The following UNC80 variants were observed in gnomAD, a reference collection of about 807,000 sequenced individuals.
The protein encoded by UNC80 is protein unc-80 homolog.
In UNC80, 164 loss-of-function variants were observed where a neutral mutation model predicts 384.6. The observed-to-expected ratio is 0.43, with a 90% confidence interval of 0.38 to 0.49. The LOEUF is 0.49. Among genes scored for constraint, UNC80 ranks in the 20% least tolerant of loss-of-function variants. The probability of loss-of-function intolerance (pLI) is 0.00; values close to 1 mark genes in which losing one functional copy is unlikely to be tolerated. For missense variants in UNC80, 3,330 were observed against 4,143.0 expected, an observed-to-expected ratio of 0.80 and a Z score of 5.39; for synonymous variants, 1,486 against 1,527.8, an observed-to-expected ratio of 0.97 and a Z score of 0.64.
At chr2:209,906,114 C>A (rs533437996) in intron 29 of UNC80, among the ~76,000 whole-genome samples, 1 of 152,040 alleles carries the variant, frequency 6.6e-6, no homozygotes, top group South Asian at 2.1e-4. Context: ...AAGGAATTTG[C>A]AAACCAGGTT....
intron 27 of UNC80, among the ~76,000 whole-genome samples, chr2:209,895,315 T>C (rs2086700411): frequency 6.6e-6 from 1 of 152,184 alleles, no homozygotes; most frequent in South Asian, 2.1e-4. Context: ...ACTAGGTAAG[T>C]AGTTTCAAAA....
intron 4 of UNC80, among the ~76,000 whole-genome samples, chr2:209,782,784 TTAATA>T (rs1395647815): frequency 6.6e-6 from 1 of 152,174 alleles, no homozygotes; most frequent in Non-Finnish European, 1.5e-5. Context: ...AAAATCCTGT[TTAATA>T]TATTATTAAT....
chr2:209,898,665 A>T (rs1045551439), intron 28 of UNC80, among the ~76,000 whole-genome samples: 6 of 152,260 alleles, frequency 3.9e-5, no homozygotes, highest in African/African-American at 1.4e-4. Flanking sequence ...ATGTACAGTT[A>T]TTATTGACTA....
In UNC80 at chr2:209,982,291, T is replaced by A; in HGVS notation, c.9231T>A (p.Ala3077=). The A allele has an allele frequency of 6.4e-7, 1 of 1,551,532 alleles. No individual in the cohort carries two copies. The highest frequency in any genetic ancestry group is 8.7e-7 in the Non-Finnish European group (1 of 1,146,908). Residue 3077 remains alanine, a synonymous_variant, in exon 60 of 65, where the codon GCT becomes GCA. Coordinates refer to ENST00000673920, the MANE Select transcript of UNC80 (RefSeq NM_001371986.1). ...SHVSSMSVPQ[A]EVGMLPSQSE... Reference sequence around the variant, plus strand: ...TCTCCAGCATGTCTGTACCTCAGGCTGAGGTGGGCATGCTACCCAGCCAGA... The same window carrying A: ...TCTCCAGCATGTCTGTACCTCAGGCAGAGGTGGGCATGCTACCCAGCCAGA...
At chr2:209,894,915 A>T (rs554777043) in intron 27 of UNC80, among the ~76,000 whole-genome samples, 2 of 152,332 alleles carry the variant, frequency 1.3e-5, no homozygotes, top group East Asian at 3.9e-4. Flanking sequence ...CCTGACAATG[A>T]GTGATCTTCA....
intron 2 of UNC80, among the ~76,000 whole-genome samples, chr2:209,774,267 A>G (rs1271503984): frequency 6.6e-6 from 1 of 152,216 alleles, no homozygotes; most frequent in African/African-American, 2.4e-5. Flanking sequence ...TTTTTAAAAT[A>G]TAACTTTCTT....
intron 1 of UNC80, among the ~76,000 whole-genome samples, chr2:209,772,696 G>A (rs1378549486): frequency 6.6e-6 from 1 of 151,938 alleles, no homozygotes. Flanking sequence ...AACAGAAAAG[G>A]TTTTCTTTAT....
intron 11 of UNC80, among the ~76,000 whole-genome samples, 171 bp from the exon 12 acceptor site, chr2:209,818,822 T>C (rs1263372120): frequency 6.6e-6 from 1 of 152,196 alleles, no homozygotes; most frequent in East Asian, 1.9e-4. Flanking sequence ...CATATGGCCT[T>C]AGTAGCTTCA....
chr2:209,846,637 C>T (rs758057538), intron 21 of UNC80, among the ~76,000 whole-genome samples: 8 of 151,802 alleles, frequency 5.3e-5, no homozygotes, highest in South Asian at 2.1e-4. Flanking sequence ...ATGCATTCTA[C>T]GTAAATAGAA....
rs1215273875 is a variant in UNC80 at position 209,955,748 on chromosome 2, CACACACACACAG to C, written c.7457+1480_7457+1491del. Among the ~76,000 whole-genome samples the C allele has an allele frequency of 2.1e-3, 218 of 102,278 alleles. 6 individuals carry two copies. Among genetic ancestry groups the C allele is most frequent in the African/African-American group, 0.014 (212 of 15,156 alleles). The allele number at this position is 102,278 out of a possible 152,430, so 67.1% of individuals were successfully genotyped here. ...ATATATATATATATATACACACACA[CACACACACACAG>C]AGAGAGACTGACTCACTCTGTCACC... On this transcript the variant is annotated intron_variant, in intron 48 of 64. Coordinates refer to ENST00000673920, the MANE Select transcript of UNC80 (RefSeq NM_001371986.1).
At chr2:209,790,571 T>C (rs2077733741) in intron 6 of UNC80, among the ~76,000 whole-genome samples, 1 of 152,204 alleles carries the variant, frequency 6.6e-6, no homozygotes, top group African/African-American at 2.4e-5. Flanking sequence ...TTGTGCAGCA[T>C]GAATTTGGTC....
At chr2:209,890,617 G>T (rs978774062) in intron 26 of UNC80, among the ~76,000 whole-genome samples, 15 of 152,120 alleles carry the variant, frequency 9.9e-5, no homozygotes, top group African/African-American at 3.6e-4. Context: ...TCTTAAAATG[G>T]GTGATATATA....
At chr2:209,916,506 T>G (rs1038336885) in intron 31 of UNC80, among the ~76,000 whole-genome samples, 9 of 152,202 alleles carry the variant, frequency 5.9e-5, no homozygotes, top group Non-Finnish European at 1.3e-4. Context: ...ATGAGCCTAG[T>G]GTTTAAAAAT....
chr2:209,824,235 C>G (rs1051119802), intron 13 of UNC80, among the ~76,000 whole-genome samples: 1 of 152,094 alleles, frequency 6.6e-6, no homozygotes, highest in East Asian at 1.9e-4. Flanking sequence ...TTTGAGTCTT[C>G]TGTTTGCAAC....
Position 209,917,964 on chromosome 2 carries a change from G to A in UNC80, c.5211+6G>A. ...GGGCACAGCAGATTTTTAAGGTGAGGGATACTTCTCACAGAGGAGTTACAT... is the reference window on the plus strand; with the variant it reads ...GGGCACAGCAGATTTTTAAGGTGAGAGATACTTCTCACAGAGGAGTTACAT... On this transcript the variant is annotated splice_donor_region_variant and intron_variant, in intron 32 of 64. Coordinates refer to ENST00000673920, the MANE Select transcript of UNC80 (RefSeq NM_001371986.1). The A allele has an allele frequency of 6.4e-7, 1 of 1,551,170 alleles. No individual in the cohort carries two copies. The highest frequency in any genetic ancestry group is 2.4e-5 in the East Asian group (1 of 40,902).
In UNC80 at chr2:209,874,396, G is replaced by A. The variant is rs115041107; in HGVS notation, c.3840+1426G>A. ...TGATAATCCCATTGGCTTCCTACAG[G>A]AGAGGAAAACCATTAAGTGCTACAC... On this transcript the variant is annotated intron_variant, in intron 23 of 64. Coordinates refer to ENST00000673920, the MANE Select transcript of UNC80 (RefSeq NM_001371986.1). Among the ~76,000 whole-genome samples the A allele has an allele frequency of 8.8e-3, 1,339 of 152,272 alleles. 10 individuals carry two copies. Among genetic ancestry groups the A allele is most frequent in the Non-Finnish European group, 0.014 (942 of 68,026 alleles).
In UNC80 at chr2:209,898,107, T is replaced by G. The variant is rs184247507; in HGVS notation, c.4581+1694T>G. 1.1e-3 allele frequency among the ~76,000 whole-genome samples: 175 copies of G among 152,266 alleles called. 2 individuals carry two copies. Among genetic ancestry groups the G allele is most frequent in the African/African-American group, 4.1e-3 (171 of 41,590 alleles). On this transcript the variant is annotated intron_variant, in intron 28 of 64. Coordinates refer to ENST00000673920, the MANE Select transcript of UNC80 (RefSeq NM_001371986.1). ...TTTGATATTGGTGGATTGTCTTCTC[T>G]TCTTTTTTAAATAGTGTCTTTCTAA...
chr2:209,970,015 T>G, intron 53 of UNC80, 124 bp downstream of exon 53: 1 of 1,237,852 alleles, frequency 8.1e-7, no homozygotes, highest in South Asian at 1.5e-5. Context: ...AACAGACGGC[T>G]CAGGTGACAC....
intron 29 of UNC80, among the ~76,000 whole-genome samples, chr2:209,910,087 A>G (rs866496662): frequency 1.6e-4 from 25 of 151,650 alleles, no homozygotes; most frequent in Middle Eastern, 3.4e-3. Flanking sequence ...AGGGAACTGT[A>G]GAGAAACTCA....
Sources: allele counts gnomAD v4.1 joint callset (sites outside exome capture counted in the v4.1 genomes callset), GRCh38; gene constraint gnomAD v4.1.1; transcripts MANE v1.5; gene names NCBI Gene and HGNC (gene_info 2026-07-23, HGNC 2026-07-21).